TCF20: variants seen among roughly 807,000 people sequenced by gnomAD.
TCF20 encodes transcription factor 20, also known as SPRE-binding protein.
In TCF20, 3 loss-of-function variants were observed where a neutral mutation model predicts 148.6. That is an observed-to-expected ratio of 0.02 (90% CI 0.01 to 0.05). TCF20 has a LOEUF of 0.05. Ranked by LOEUF, TCF20 falls within the 10% of genes least tolerant of loss-of-function variation. The pLI, the probability that TCF20 is intolerant of heterozygous loss-of-function variation, is 1.00. For synonymous variants in TCF20, 1,049 were observed against 909.5 expected (o/e 1.15, Z -2.76); for missense variants, 2,350 against 2,429.3 (o/e 0.97, Z 0.69).
intron 2 of TCF20, among the ~76,000 whole-genome samples, chr22:42,182,116 C>G (rs1936807532): frequency 6.6e-6 from 1 of 152,176 alleles, no homozygotes. Flanking sequence ...AAACCCAGGA[C>G]CAGGCCACCT....
In TCF20 at chr22:42,211,290, G is replaced by A. The variant is rs1920954953; in HGVS notation, c.4016C>T (p.Thr1339Ile). Residue 1339 changes from threonine (T) to isoleucine (I), a missense_variant, in exon 2 of 6, where the codon ACC (threonine) becomes ATC (isoleucine). By Grantham distance (89) the Thr-to-Ile change is moderately conservative. Coordinates refer to ENST00000677622, the MANE Select transcript of TCF20 (RefSeq NM_001378418.1). The stretch of plus-strand genomic sequence containing the variant: ...TCCTTTCCGTGGGGGCAGTATTTTG[G>A]TCTTAGCAGGGCTTGTGAGGGTAAC... ...PAVTLTSPAKTKILPPRKGRG... is the reference protein window; with the variant it reads ...PAVTLTSPAKIKILPPRKGRG... 26 of 1,614,174 alleles carry A rather than the reference G, an allele frequency of 1.6e-5. No homozygotes were observed. The East Asian group carries it at 5.6e-4, about 35-fold the overall frequency.
chr22:42,315,776 G>A (rs1927618552), intron 1 of TCF20, among the ~76,000 whole-genome samples: 2 of 152,164 alleles, frequency 1.3e-5, no homozygotes, highest in Admixed American at 1.3e-4. Flanking sequence ...CCAGGTGGAG[G>A]AGACAAGAAA....
At chr22:42,277,495 T>C (rs145786108) in intron 1 of TCF20, among the ~76,000 whole-genome samples, 1 of 152,250 alleles carries the variant, frequency 6.6e-6, no homozygotes, top group Non-Finnish European at 1.5e-5. Flanking sequence ...AAGTAGGAAG[T>C]AACCACATGG....
At chr22:42,325,416 G>A (rs545420107) in intron 1 of TCF20, among the ~76,000 whole-genome samples, 27 of 152,212 alleles carry the variant, frequency 1.8e-4, no homozygotes, top group Non-Finnish European at 3.4e-4. Flanking sequence ...CCAGGCCCAC[G>A]TGACTGTCAC....
chr22:42,328,754 A>G (rs747066582), intron 1 of TCF20, among the ~76,000 whole-genome samples: 2 of 152,142 alleles, frequency 1.3e-5, no homozygotes, highest in Non-Finnish European at 2.9e-5. Flanking sequence ...CCCCTTTGGG[A>G]TTGTCAGTGT....
At chr22:42,228,206 G>T (rs1923082375) in intron 1 of TCF20, among the ~76,000 whole-genome samples, 1 of 152,208 alleles carries the variant, frequency 6.6e-6, no homozygotes, top group South Asian at 2.1e-4. Context: ...CTGGTTAAGG[G>T]ACGTTGGCTG....
At chr22:42,177,272 G>A (rs769976650) in intron 3 of TCF20, among the ~76,000 whole-genome samples, 9 of 152,054 alleles carry the variant, frequency 5.9e-5, no homozygotes, top group African/African-American at 1.7e-4. Flanking sequence ...AAAATTAGCC[G>A]GGCATGGTGG....
intron 1 of TCF20, among the ~76,000 whole-genome samples, chr22:42,319,572 A>C (rs1282551856): frequency 6.6e-6 from 1 of 152,188 alleles, no homozygotes; most frequent in Non-Finnish European, 1.5e-5. Context: ...GAGCCCACAG[A>C]ATCAAATGAG....
At chr22:42,200,136 A>C (rs956352008) in intron 2 of TCF20, among the ~76,000 whole-genome samples, 1 of 152,210 alleles carries the variant, frequency 6.6e-6, no homozygotes, top group South Asian at 2.1e-4. Context: ...CTAAACATGT[A>C]TATTAGGCTG....
At chr22:42,171,400 T>C (rs766029464) in intron 3 of TCF20, among the ~76,000 whole-genome samples, 14 of 152,186 alleles carry the variant, frequency 9.2e-5, no homozygotes, top group Non-Finnish European at 1.6e-4. Flanking sequence ...GCAATGAACA[T>C]ACACATGAAA....
At chr22:42,265,666 C>T (rs1776643755) in intron 1 of TCF20, among the ~76,000 whole-genome samples, 1 of 152,158 alleles carries the variant, frequency 6.6e-6, no homozygotes, top group African/African-American at 2.4e-5. Context: ...TACTAAGGTG[C>T]CTTGAACACA....
chr22:42,247,216 G>A (rs994118837), intron 1 of TCF20, among the ~76,000 whole-genome samples: 14 of 151,470 alleles, frequency 9.2e-5, no homozygotes, highest in Non-Finnish European at 1.9e-4. Context: ...GAGGCAGGTG[G>A]ATCACCTGAG....
rs374569196 is a variant in TCF20, at chr22:42,214,737, G to C, written c.569C>G (p.Ser190Cys). The C allele has an allele frequency of 1.2e-6, 2 of 1,614,046 alleles. No homozygotes were observed. The highest frequency in any genetic ancestry group is 8.5e-7 in the Non-Finnish European group (1 of 1,180,028). ...VQQLRQQLYQ[S>C]HQPLPQATGQ... ...AGTGGCCTGTGGCAGGGGCTGATGG[G>C]ACTGGTAAAGCTGTTGTCTCAACTG... Residue 190 changes from serine to cysteine, a missense_variant, in exon 2 of 6, where the codon TCC becomes TGC. Transcript: ENST00000677622.
At chr22:42,276,482 G>A (rs564561592) in intron 1 of TCF20, 1 of 152,302 alleles carries the variant, frequency 6.6e-6, no homozygotes, top group Non-Finnish European at 1.5e-5. Context: ...TCCCCACGGA[G>A]GCGTGGAGTC....
intron 1 of TCF20, among the ~76,000 whole-genome samples, chr22:42,254,315 C>G (rs1165297233): frequency 2.3e-5 from 3 of 129,000 alleles, no homozygotes; most frequent in Non-Finnish European, 5.5e-5. Context: ...ACTCCACTTT[C>G]TTTTTCTTTG....
intron 1 of TCF20, among the ~76,000 whole-genome samples, chr22:42,289,099 C>T (rs1470939300): frequency 6.6e-6 from 1 of 152,220 alleles, no homozygotes; most frequent in East Asian, 1.9e-4. Context: ...GCCAGACCAA[C>T]AGATATTCCC....
chr22:42,201,831 G>A (rs1023070456), intron 2 of TCF20, among the ~76,000 whole-genome samples: 3 of 151,734 alleles, frequency 2.0e-5, no homozygotes, highest in Admixed American at 1.3e-4. Context: ...CTTTTCTTTC[G>A]CTTTAGATAA....
chr22:42,271,148 G>A (rs1461787633), upstream of TCF20, among the ~76,000 whole-genome samples: 1 of 152,232 alleles, frequency 6.6e-6, no homozygotes, highest in Non-Finnish European at 1.5e-5. Context: ...GAGCCCTCTG[G>A]GCCGGGGGCA....
At chr22:42,189,012 G>C (rs1937194609) in intron 2 of TCF20, among the ~76,000 whole-genome samples, 1 of 152,184 alleles carries the variant, frequency 6.6e-6, no homozygotes, top group African/African-American at 2.4e-5. Flanking sequence ...AGCTACCTGG[G>C]GGGAAGGGGA....
Sources: gnomAD v4.1 joint callset for allele counts (sites outside exome capture counted in the v4.1 genomes callset) on GRCh38, gnomAD v4.1.1 for gene constraint, MANE v1.5 for transcripts, NCBI Gene and HGNC (gene_info 2026-07-23, HGNC 2026-07-21) for gene names.